The following PCNX1 variants were observed in gnomAD, a reference collection of about 807,000 sequenced individuals.
PCNX1 encodes pecanex-like protein 1.
Under a neutral mutation model 242.2 loss-of-function variants are expected in PCNX1, and 78 were observed. The ratio of observed to expected loss-of-function variants is 0.32; its 90% confidence interval spans 0.27 to 0.39. The LOEUF (loss-of-function observed/expected upper bound fraction) is 0.39. Among genes scored for constraint, PCNX1 ranks in the 10% least tolerant of loss-of-function variants. The pLI, the probability that PCNX1 is intolerant of heterozygous loss-of-function variation, is 1.00. For synonymous variants in PCNX1, 1,024 were observed against 1,032.9 expected, an observed-to-expected ratio of 0.99 and a Z score of 0.17; for missense variants, 2,581 against 2,856.5, an observed-to-expected ratio of 0.90 and a Z score of 2.20.
At chr14:70,914,191 C>T (rs1165795799) in intron 1 of PCNX1, among the ~76,000 whole-genome samples, 3 of 151,964 alleles carry the variant, frequency 2.0e-5, no homozygotes, top group African/African-American at 2.4e-5. Flanking sequence ...ATTCCAAAAG[C>T]GGGTAGGGGG....
intron 22 of PCNX1, among the ~76,000 whole-genome samples, chr14:71,048,497 T>G (rs900178672): frequency 6.6e-6 from 1 of 152,212 alleles, no homozygotes; most frequent in Non-Finnish European, 1.5e-5. Flanking sequence ...TGGTAAAACC[T>G]TGGTCCTCTG....
chr14:70,947,112 C>T lies in PCNX1; in HGVS notation c.351C>T (p.Ser117=), dbSNP rs147994101. The T allele has an allele frequency of 6.2e-7, 1 of 1,608,246 alleles. No individual in the cohort carries two copies. Among genetic ancestry groups the T allele is most frequent in the Non-Finnish European group, 8.5e-7 (1 of 1,176,512 alleles). The change falls in exon 2 of 36, where the codon AGC becomes AGT. Residue 117 remains serine (S), a synonymous_variant. Transcript: ENST00000304743. ...ACTGTTCAACCAGGAGAAAAGACAG[C>T]AATGGACCGAGGTAAGGAAACCTAT... ...QGNCSTRRKD[S]NGPSDPGGGI...
Position 71,110,029 on chromosome 14 carries a change from C to T in PCNX1, c.*94C>T, listed in dbSNP as rs2062725678. ...AAGCAGAAGATGCCTGCAGGTATCA[C>T]TTTGATCCTATGTGGGAGCGACTGA... On this transcript the variant is annotated 3_prime_UTR_variant, in exon 36 of 36. Coordinates refer to ENST00000304743, the MANE Select transcript of PCNX1 (RefSeq NM_014982.3). 8.9e-7 allele frequency: 1 copy of T among 1,124,674 alleles called. No homozygotes were observed. Among genetic ancestry groups the T allele is most frequent in the East Asian group, 2.3e-5 (1 of 42,616 alleles). 69.7% of individuals were successfully genotyped at this position (1,124,674 alleles called of 1,614,324 possible).
intron 11 of PCNX1, among the ~76,000 whole-genome samples, chr14:71,018,232 T>C (rs530881572): frequency 1.1e-4 from 16 of 152,260 alleles, no homozygotes; most frequent in African/African-American, 3.8e-4. Flanking sequence ...AGAAGTATTT[T>C]AGGGAAATAC....
chr14:70,961,335 A>G (rs1462468377), intron 2 of PCNX1, among the ~76,000 whole-genome samples: 3 of 152,204 alleles, frequency 2.0e-5, no homozygotes, highest in African/African-American at 7.2e-5. Context: ...TCAATGGAAC[A>G]GAACAGAGCC....
In PCNX1 at chr14:71,028,716, T is replaced by G. The variant is rs1443292126; in HGVS notation, c.3483T>G (p.Leu1161=). Residue 1161 remains leucine, a synonymous_variant, in exon 16 of 36, where the codon CTT becomes CTG. Transcript: ENST00000304743. ...IFGGNATTSL[L]AALYSFICSI... is the part of the protein sequence containing the mutation. The stretch of plus-strand genomic sequence containing the variant: ...CCTGTCTAGCCACTACAAGCCTGCT[T>G]GCAGCACTTTACAGTTTTATCTGTA... 6.2e-7 allele frequency: 1 copy of G among 1,606,122 alleles called. No individual in the cohort carries two copies. Among genetic ancestry groups the G allele is most frequent in the Admixed American group, 1.7e-5 (1 of 58,996 alleles).
intron 26 of PCNX1, among the ~76,000 whole-genome samples, chr14:71,069,698 T>C (rs1172419960): frequency 6.6e-6 from 1 of 152,238 alleles, no homozygotes; most frequent in Non-Finnish European, 1.5e-5. Flanking sequence ...CATATCTTAA[T>C]TTTAAAAATT....
At chr14:71,045,638 A>G (rs1050048592) in intron 20 of PCNX1, among the ~76,000 whole-genome samples, 2 of 152,114 alleles carry the variant, frequency 1.3e-5, no homozygotes, top group Admixed American at 6.5e-5. Context: ...AGGCAATCCA[A>G]TCCTCTTTAA....
Position 71,045,303 on chromosome 14 carries a change from T to C in PCNX1, c.4018+20T>C. The C allele has an allele frequency of 6.4e-7, 1 of 1,559,148 alleles. No individual in the cohort carries two copies. Among genetic ancestry groups the C allele is most frequent in the Non-Finnish European group, 8.7e-7 (1 of 1,143,300 alleles). On this transcript the variant is annotated intron_variant, in intron 20 of 35. Transcript: ENST00000304743. ...TTCGAAGTAAGTATTTCATTAGCAC[T>C]TTTTCTTTTTAATACTATGAGTTTT... is the stretch of plus-strand genomic sequence containing the variant.
intron 1 of PCNX1, among the ~76,000 whole-genome samples, chr14:70,944,307 C>T (rs2057378400): frequency 6.6e-6 from 1 of 152,322 alleles, no homozygotes; most frequent in Non-Finnish European, 1.5e-5. Flanking sequence ...TGGGAGCCCA[C>T]GTCTTGCATC....
At chr14:71,003,730 A>G (rs1056930877) in intron 8 of PCNX1, among the ~76,000 whole-genome samples, 4 of 152,330 alleles carry the variant, frequency 2.6e-5, no homozygotes, top group Middle Eastern at 3.4e-3. Flanking sequence ...TCAGAACTAG[A>G]TAATCAGATA....
At chr14:71,041,771 C>T (rs2060711984) in intron 19 of PCNX1, among the ~76,000 whole-genome samples, 1 of 142,872 alleles carries the variant, frequency 7.0e-6, no homozygotes, top group Non-Finnish European at 1.6e-5. Flanking sequence ...TTGATGGAGG[C>T]ATTTATTGCT....
chr14:70,969,193 A>G (rs2058468613), intron 5 of PCNX1, 83 bp downstream of exon 5: 2 of 790,784 alleles, frequency 2.5e-6, no homozygotes, highest in African/African-American at 1.7e-5. Context: ...ACAATTTGGC[A>G]GAAGTTTATA....
chr14:71,067,720 T>C (rs1354327966), intron 26 of PCNX1, among the ~76,000 whole-genome samples: 3 of 152,284 alleles, frequency 2.0e-5, no homozygotes, highest in South Asian at 2.1e-4. Context: ...TTAGATCTTC[T>C]CTGCTCTCTC....
intron 11 of PCNX1, among the ~76,000 whole-genome samples, chr14:71,013,623 C>A (rs1413127722): frequency 2.7e-5 from 4 of 149,612 alleles, no homozygotes; most frequent in Admixed American, 1.3e-4. Context: ...TGTTTCCAGT[C>A]AACATGGAGT....
Position 71,112,840 on chromosome 14 carries a change from C to G in PCNX1, c.*2905C>G, listed in dbSNP as rs2141940301. On this transcript the variant is annotated 3_prime_UTR_variant, in exon 36 of 36. Transcript: ENST00000304743. The stretch of plus-strand genomic sequence containing the variant: ...TGTATGATTGAAAACTTTGCTTTTT[C>G]TTGTTTAATTCTTCCGCCACCCCCT... 6.6e-6 allele frequency: 1 copy of G among 152,142 alleles called. No individual in the cohort carries two copies. The highest frequency in any genetic ancestry group is 1.9e-4 in the East Asian group (1 of 5,186). 9.4% of individuals were successfully genotyped at this position (152,142 alleles called of 1,614,324 possible).
intron 11 of PCNX1, among the ~76,000 whole-genome samples, 180 bp from the exon 12 acceptor site, chr14:71,018,829 G>A (rs147943760): frequency 6.6e-6 from 1 of 152,116 alleles, no homozygotes; most frequent in Non-Finnish European, 1.5e-5. Flanking sequence ...AAGAATTCAT[G>A]TTATGTCCAC....
intron 1 of PCNX1, among the ~76,000 whole-genome samples, chr14:70,908,332 G>C (rs1430794537): frequency 1.3e-5 from 2 of 152,102 alleles, no homozygotes. Flanking sequence ...CCCGCCCGTG[G>C]GGCTGTGTGG....
intron 1 of PCNX1, among the ~76,000 whole-genome samples, chr14:70,940,540 C>A (rs1484748737): frequency 6.6e-6 from 1 of 152,216 alleles, no homozygotes; most frequent in African/African-American, 2.4e-5. Context: ...CCTGACCTTT[C>A]TCTCTGGCTG....
Sources: allele counts gnomAD v4.1 joint callset (sites outside exome capture counted in the v4.1 genomes callset), GRCh38; gene constraint gnomAD v4.1.1; transcripts MANE v1.5; gene names NCBI Gene and HGNC (gene_info 2026-07-23, HGNC 2026-07-21).